ANKRD23: variants seen among roughly 807,000 people sequenced by gnomAD.
ANKRD23 encodes ankyrin repeat domain 23.
ANKRD23 carries 52 observed loss-of-function variants against 38.1 expected under a neutral mutation model. The observed-to-expected ratio is 1.36, with a 90% CI of 1.09 to 1.72. The LOEUF (loss-of-function observed/expected upper bound fraction) is 1.72. Ranked by LOEUF, ANKRD23 falls within the 40% of genes most tolerant of loss-of-function variation. The pLI, the probability that ANKRD23 is intolerant of heterozygous loss-of-function variation, is 0.00. For missense variants in ANKRD23, 416 were observed against 400.2 expected, an observed-to-expected ratio of 1.04 and a Z score of -0.34; for synonymous variants, 167 against 162.9, an observed-to-expected ratio of 1.03 and a Z score of -0.19.
chr2:96,838,626 A>T lies in ANKRD23; in HGVS notation c.*923T>A. 1.0e-6 allele frequency: 1 copy of T among 985,534 alleles called. No homozygotes were observed. Among genetic ancestry groups the T allele is most frequent in the Non-Finnish European group, 1.2e-6 (1 of 830,028 alleles). The allele number at this position is 985,534 out of a possible 1,614,324, so 61.0% of individuals were successfully genotyped here. A position where few individuals can be genotyped will look rare whatever the true frequency, so the allele number is the denominator to read the frequency against. On this transcript the variant is annotated 3_prime_UTR_variant, in exon 9 of 9. Coordinates refer to ENST00000318357, the MANE Select transcript of ANKRD23 (RefSeq NM_144994.8). ...GCTCAAGCTCCAGTACCAGGAACAT[A>T]AGGGGACATAAGGGCCTCAGGCAAA...
In ANKRD23 at chr2:96,839,366, CCT is replaced by C. The variant is rs1325378262; in HGVS notation, c.*181_*182del. ...CCCCTGACACTCGAAGCCAGGGAGG[CCT>C]CTCTCTTTGCCTGCTGGGCCCGGTG... On this transcript the variant is annotated 3_prime_UTR_variant, in exon 9 of 9. Transcript: ENST00000318357. The C allele has an allele frequency of 9.5e-6, 12 of 1,256,818 alleles. No homozygotes were observed. Among genetic ancestry groups the C allele is most frequent in the East Asian group, 3.1e-5 (1 of 32,230 alleles). 77.9% of individuals were successfully genotyped at this position (1,256,818 alleles called of 1,614,324 possible). A position where few individuals can be genotyped will look rare whatever the true frequency, so the allele number is the denominator to read the frequency against.
At position 96,838,826 on chromosome 2, in the gene ANKRD23, T is replaced by C; in HGVS notation, c.*723A>G. ...AAATGCGCGCTCCAGCTCATCAGTC[T>C]TAGGGCTTCTGAGGCAACCTAGTGG... On this transcript the variant is annotated 3_prime_UTR_variant, in exon 9 of 9. Transcript: ENST00000318357. 8.1e-6 allele frequency: 8 copies of C among 985,546 alleles called. No individual in the cohort carries two copies. Among genetic ancestry groups the C allele is most frequent in the Non-Finnish European group, 9.6e-6 (8 of 830,006 alleles). The allele number at this position is 985,546 out of a possible 1,614,324, so 61.1% of individuals were successfully genotyped here.
chr2:96,839,646 T>C lies in ANKRD23; in HGVS notation c.823-2A>G. 2.0e-6 allele frequency: 3 copies of C among 1,529,464 alleles called. No homozygotes were observed. Among genetic ancestry groups the C allele is most frequent in the Non-Finnish European group, 2.6e-6 (3 of 1,135,128 alleles). The allele number at this position is 1,529,464 out of a possible 1,614,324, so 94.7% of individuals were successfully genotyped here. On this transcript the variant is annotated splice_acceptor_variant, in intron 8 of 8. Coordinates refer to ENST00000318357, the MANE Select transcript of ANKRD23 (RefSeq NM_144994.8). LOFTEE classifies it high-confidence loss of function. The stretch of plus-strand genomic sequence containing the variant: ...CAGCTGCACCGGGGTCACGGAGGCC[T>C]GGGAGCAACGGTGTGGGTCAGTCCC...
chr2:96,842,888 G>A (rs1007360397), intron 1 of ANKRD23, among the ~76,000 whole-genome samples: 5 of 152,196 alleles, frequency 3.3e-5, no homozygotes, highest in African/African-American at 1.2e-4. Flanking sequence ...ATTCCTACCA[G>A]ATCATACTGA....
chr2:96,839,081 A>T lies in ANKRD23; in HGVS notation c.*468T>A. 1.0e-6 allele frequency: 1 copy of T among 987,968 alleles called. No homozygotes were observed. The highest frequency in any genetic ancestry group is 1.2e-6 in the Non-Finnish European group (1 of 831,860). 61.2% of individuals were successfully genotyped at this position (987,968 alleles called of 1,614,324 possible). On this transcript the variant is annotated 3_prime_UTR_variant, in exon 9 of 9. Transcript: ENST00000318357. ...GGCCTGCCTTGGCTGCACCTTGTAC[A>T]TCCTGGATGGCATCTGCCGGCCACG... is the stretch of plus-strand genomic sequence containing the variant.
At chr2:96,843,155 C>T (rs1053900564) in intron 1 of ANKRD23, among the ~76,000 whole-genome samples, 2 of 152,140 alleles carry the variant, frequency 1.3e-5, no homozygotes, top group Admixed American at 1.3e-4. Context: ...GAGGAATCAG[C>T]CTGTTGTGGG....
At chr2:96,841,432 T>A (rs1301558423) in intron 3 of ANKRD23, among the ~76,000 whole-genome samples, 3 of 150,972 alleles carry the variant, frequency 2.0e-5, no homozygotes, top group Non-Finnish European at 4.4e-5. Flanking sequence ...CCATCTCTAC[T>A]AAAAATACAA....
Position 96,840,057 on chromosome 2 carries a change from C to A in ANKRD23, c.663G>T (p.Arg221=). The A allele has an allele frequency of 6.4e-7, 1 of 1,562,232 alleles. No homozygotes were observed. Among genetic ancestry groups the A allele is most frequent in the Non-Finnish European group, 8.7e-7 (1 of 1,152,716 alleles). The change falls in exon 7 of 9, where the codon CGG becomes CGT. Residue 221 remains arginine (R), a synonymous_variant. Coordinates refer to ENST00000318357, the MANE Select transcript of ANKRD23 (RefSeq NM_144994.8). ...TGAGGTGCTCCAGGCAGTCGGGGTG[C>A]CGGGTGCGCACTGCCACGTGCAGGG... ...STPLHVAVRT[R]HPDCLEHLIE...
Position 96,839,471 on chromosome 2 carries a change from C to A in ANKRD23, c.*78G>T. The stretch of plus-strand genomic sequence containing the variant: ...GAACCAGGGCTGAGGGCAGGAACCA[C>A]AGAGGTGCAGACGCGGGGGCGGGGC... On this transcript the variant is annotated 3_prime_UTR_variant, in exon 9 of 9. Coordinates refer to ENST00000318357, the MANE Select transcript of ANKRD23 (RefSeq NM_144994.8). 7.2e-7 allele frequency: 1 copy of A among 1,388,922 alleles called. No homozygotes were observed. The highest frequency in any genetic ancestry group is 1.5e-5 in the African/African-American group (1 of 66,230). The allele number at this position is 1,388,922 out of a possible 1,614,324, so 86.0% of individuals were successfully genotyped here.
At position 96,839,515 on chromosome 2, in the gene ANKRD23, A is replaced by C; in HGVS notation, c.*34T>G. The stretch of plus-strand genomic sequence containing the variant: ...GCGGGGCACAGGATGGAATGGTGGC[A>C]GTGCGAAAGGCGCGGCGGGGGGCGG... On this transcript the variant is annotated 3_prime_UTR_variant, in exon 9 of 9. Coordinates refer to ENST00000318357, the MANE Select transcript of ANKRD23 (RefSeq NM_144994.8). 6 of 1,424,086 alleles carry C rather than the reference A, an allele frequency of 4.2e-6. No homozygotes were observed. Among genetic ancestry groups the C allele is most frequent in the Non-Finnish European group, 5.5e-6 (6 of 1,094,488 alleles). The allele number at this position is 1,424,086 out of a possible 1,614,324, so 88.2% of individuals were successfully genotyped here.
In ANKRD23 at chr2:96,839,108, G is replaced by C. The variant is rs571169057; in HGVS notation, c.*441C>G. The C allele has an allele frequency of 7.8e-5, 77 of 992,042 alleles. 1 individual carries two copies. The African/African-American group carries it at 1.3e-3, about 17-fold the overall frequency. The allele number at this position is 992,042 out of a possible 1,614,324, so 61.5% of individuals were successfully genotyped here. A position where few individuals can be genotyped will look rare whatever the true frequency, so the allele number is the denominator to read the frequency against. On this transcript the variant is annotated 3_prime_UTR_variant, in exon 9 of 9. Coordinates refer to ENST00000318357, the MANE Select transcript of ANKRD23 (RefSeq NM_144994.8). ...CCTGGATGGCATCTGCCGGCCACGG[G>C]CTGAGTCCCCACACACACAGACTGG...
rs575529407 is a variant in ANKRD23, at chr2:96,842,352, G to A, written c.174+13C>T. The A allele has an allele frequency of 2.6e-5, 23 of 892,096 alleles. No individual in the cohort carries two copies. Among genetic ancestry groups the A allele is most frequent in the South Asian group, 1.8e-4 (13 of 73,882 alleles). The allele number at this position is 892,096 out of a possible 1,614,324, so 55.3% of individuals were successfully genotyped here. On this transcript the variant is annotated intron_variant, in intron 2 of 8. Transcript: ENST00000318357. Reference sequence around the variant, plus strand: ...GCCACTGCCCCCAACCCCGGCCCCCGCCCCTCTCTCACTTTCTTCTTCTTC... The same window carrying A: ...GCCACTGCCCCCAACCCCGGCCCCCACCCCTCTCTCACTTTCTTCTTCTTC...
chr2:96,842,480 AAC>A lies in ANKRD23; in HGVS notation c.57_58del (p.Leu20GlyfsTer8). 1 of 1,614,080 alleles carries A rather than the reference AAC, an allele frequency of 6.2e-7. No individual in the cohort carries two copies. Among genetic ancestry groups the A allele is most frequent in the Non-Finnish European group, 8.5e-7 (1 of 1,180,014 alleles). ...GTCAGGAACTCCATGTCCAAATCCC[AAC>A]ACTTTCCCTTCAACTCTTTCTCCAC... On this transcript the variant is annotated frameshift_variant, in exon 2 of 9. Coordinates refer to ENST00000318357, the MANE Select transcript of ANKRD23 (RefSeq NM_144994.8). LOFTEE classifies it high-confidence loss of function.
rs2079718118 is a variant in ANKRD23, at chr2:96,838,444, G to C, written c.*1105C>G. 5 of 988,032 alleles carry C rather than the reference G, an allele frequency of 5.1e-6. No homozygotes were observed. The highest frequency in any genetic ancestry group is 6.0e-6 in the Non-Finnish European group (5 of 830,214). 61.2% of individuals were successfully genotyped at this position (988,032 alleles called of 1,614,324 possible). The stretch of plus-strand genomic sequence containing the variant: ...GAAGTCTAGGGAGCTTGGGTCCTTA[G>C]ACCACCAGGGAGCAGGGAAGGGATG... On this transcript the variant is annotated 3_prime_UTR_variant, in exon 9 of 9. Coordinates refer to ENST00000318357, the MANE Select transcript of ANKRD23 (RefSeq NM_144994.8).
At chr2:96,841,941 T>C (rs986763872) in intron 3 of ANKRD23, 119 bp downstream of exon 3, 4 of 1,453,444 alleles carry the variant, frequency 2.8e-6, no homozygotes, top group Non-Finnish European at 3.8e-6. Context: ...GTGGATTTAA[T>C]GGGCTCCCCA....
chr2:96,841,523 C>T (rs1030659062), intron 3 of ANKRD23, among the ~76,000 whole-genome samples: 4 of 146,602 alleles, frequency 2.7e-5, no homozygotes, highest in South Asian at 2.2e-4. Context: ...GGCATGAACC[C>T]GGGAGGCAGA....
rs2079729329 is a variant in ANKRD23, at chr2:96,839,298, T to A, written c.*251A>T. On this transcript the variant is annotated 3_prime_UTR_variant, in exon 9 of 9. Coordinates refer to ENST00000318357, the MANE Select transcript of ANKRD23 (RefSeq NM_144994.8). ...CCTCATCTGGACCCGCGCTTTCTGC[T>A]GCCTTGTGGTCCTCTGCTCCAGCCC... 1 of 1,223,114 alleles carries A rather than the reference T, an allele frequency of 8.2e-7. No homozygotes were observed. Among genetic ancestry groups the A allele is most frequent in the African/African-American group, 1.6e-5 (1 of 63,962 alleles). 75.8% of individuals were successfully genotyped at this position (1,223,114 alleles called of 1,614,324 possible).
chr2:96,840,702 C>A, intron 4 of ANKRD23, 85 bp downstream of exon 4: 1 of 1,576,744 alleles, frequency 6.3e-7, no homozygotes, highest in Non-Finnish European at 8.6e-7. Context: ...ATCCCTGCAG[C>A]CTCCTAGGCC....
chr2:96,842,432 C>G lies in ANKRD23; in HGVS notation c.107G>C (p.Trp36Ser). 1 of 1,614,096 alleles carries G rather than the reference C, an allele frequency of 6.2e-7. No individual in the cohort carries two copies. The highest frequency in any genetic ancestry group is 1.3e-5 in the African/African-American group (1 of 74,986). ...CACAGCCTCTTGGGGGCCCCTCCTC[C>G]AGTCACTAGGCCAGGCTCCAGGGTC... ...VPDPGAWPSDWRRGPQEAVAR... is the reference protein window; with the variant it reads ...VPDPGAWPSDSRRGPQEAVAR... The change falls in exon 2 of 9, where the codon TGG becomes TCG. Residue 36 changes from tryptophan (W) to serine (S), a missense_variant. Transcript: ENST00000318357.
Sources: gnomAD v4.1 joint callset for allele counts (sites outside exome capture counted in the v4.1 genomes callset) on GRCh38, gnomAD v4.1.1 for gene constraint, MANE v1.5 for transcripts, NCBI Gene and HGNC (gene_info 2026-07-23, HGNC 2026-07-21) for gene names.